Variants in PTPRG observed in about 807,000 individuals in gnomAD.
PTPRG encodes the protein protein tyrosine phosphatase receptor type G, also known as receptor-type tyrosine-protein phosphatase gamma.
Under a neutral mutation model 165.3 loss-of-function variants are expected in PTPRG, and 102 were observed. The ratio of observed to expected loss-of-function variants is 0.62; its 90% CI spans 0.53 to 0.73. PTPRG has a LOEUF of 0.73. Among genes scored for constraint, PTPRG ranks in the 30% least tolerant of loss-of-function variants. The pLI is 0.00. For synonymous variants in PTPRG, 675 were observed against 669.5 expected (o/e 1.01, Z -0.13); for missense variants, 1,866 against 1,861.4 (o/e 1.00, Z -0.05).
At chr3:61,665,831 A>C (rs1370237664) in intron 1 of PTPRG, among the ~76,000 whole-genome samples, 1 of 152,154 alleles carries the variant, frequency 6.6e-6, no homozygotes, top group Non-Finnish European at 1.5e-5. Flanking sequence ...CCATTTCTTA[A>C]AGGAAAAGAT....
intron 3 of PTPRG, among the ~76,000 whole-genome samples, chr3:62,000,867 G>A (rs1333563199): frequency 6.6e-6 from 1 of 152,178 alleles, no homozygotes; most frequent in Non-Finnish European, 1.5e-5. Context: ...TCCTGGCCCT[G>A]GATCATCTGC....
At position 62,011,763 on chromosome 3, in the gene PTPRG, C is replaced by A. The variant is rs139128631; in HGVS notation, c.519+8266C>A. Among the ~76,000 whole-genome samples, 722 of 152,244 alleles carry A rather than the reference C, an allele frequency of 4.7e-3. 6 individuals carry two copies. The highest frequency in any genetic ancestry group is 0.017 in the African/African-American group (697 of 41,538). ...TGCCTGGTTGTGCAAAGCAAGCGTG[C>A]AAGTTTTGTGAGGTAAAACAGCTTT... On this transcript the variant is annotated intron_variant, in intron 4 of 29. Transcript: ENST00000474889.
At position 61,661,184 on chromosome 3, in the gene PTPRG, C is replaced by T. The variant is rs191340320; in HGVS notation, c.86-87694C>T. Among the ~76,000 whole-genome samples, 410 of 152,060 alleles carry T rather than the reference C, an allele frequency of 2.7e-3. 10 individuals are homozygous for T. The highest frequency in any genetic ancestry group is 0.023 in the Admixed American group (351 of 15,266). ...AACTCCTGGGCTCAAGCAATCCTTT[C>T]GCCTCAGCCTCCCGAGTAGCTAGGA... On this transcript the variant is annotated intron_variant, in intron 1 of 29. Transcript: ENST00000474889.
chr3:61,879,061 T>G (rs949461012), intron 2 of PTPRG, among the ~76,000 whole-genome samples: 1 of 152,190 alleles, frequency 6.6e-6, no homozygotes, highest in African/African-American at 2.4e-5. Context: ...CAATATAAAT[T>G]TACTAGGAAC....
intron 5 of PTPRG, among the ~76,000 whole-genome samples, chr3:62,093,271 T>C (rs1185602861): frequency 2.6e-5 from 4 of 152,204 alleles, no homozygotes; most frequent in African/African-American, 9.6e-5. Flanking sequence ...ATTTAGGCCA[T>C]ACTCTGGGGA....
At chr3:61,575,525 A>G (rs72888660) in intron 1 of PTPRG, among the ~76,000 whole-genome samples, 3,594 of 151,916 alleles carry the variant, frequency 0.024, 139 homozygotes, top group African/African-American at 0.082. Flanking sequence ...GAGAATTTCA[A>G]CCTTCTTGAG....
intron 2 of PTPRG, among the ~76,000 whole-genome samples, chr3:61,879,795 C>G (rs189324438): frequency 6.6e-6 from 1 of 152,284 alleles, no homozygotes; most frequent in Admixed American, 6.5e-5. Flanking sequence ...TCTTGCTTTC[C>G]TAATGGATTT....
intron 1 of PTPRG, among the ~76,000 whole-genome samples, chr3:61,602,801 T>G (rs775998800): frequency 1.3e-5 from 2 of 152,166 alleles, no homozygotes; most frequent in African/African-American, 2.4e-5. Context: ...GAGAACTGAT[T>G]GTTACATTTT....
intron 26 of PTPRG, among the ~76,000 whole-genome samples, chr3:62,277,923 G>T (rs1702288368): frequency 6.6e-6 from 1 of 152,052 alleles, no homozygotes; most frequent in African/African-American, 2.4e-5. Flanking sequence ...GTCTGTGGCG[G>T]TGTGGTAGAA....
Position 61,562,351 on chromosome 3 carries a change from C to T in PTPRG, c.64C>T (p.His22Tyr), listed in dbSNP as rs924986196. The stretch of plus-strand genomic sequence containing the variant: ...CCTGAAAATCACCAGTTCCGTGCTC[C>T]ATTATGTCGTGTGCTTCCCCGGTGA... ...LFLKITSSVL[H>Y]YVVCFPALTE... The change falls in exon 1 of 30, where the codon CAT becomes TAT. Residue 22 changes from histidine (H) to tyrosine (Y), a missense_variant. This residue lies in a region of PTPRG where 408 missense variants were observed against 376.2 expected (regional missense o/e 1.08). Transcript: ENST00000474889. 1.9e-6 allele frequency: 3 copies of T among 1,613,672 alleles called. No individual in the cohort carries two copies. The highest frequency in any genetic ancestry group is 1.3e-5 in the African/African-American group (1 of 75,032).
intron 4 of PTPRG, among the ~76,000 whole-genome samples, chr3:62,023,315 A>C (rs1381492198): frequency 1.3e-5 from 2 of 152,212 alleles, no homozygotes; most frequent in African/African-American, 4.8e-5. Flanking sequence ...AGATAGAATT[A>C]ATCAAAAACA....
At chr3:62,066,255 G>T (rs958177078) in intron 4 of PTPRG, among the ~76,000 whole-genome samples, 1 of 152,196 alleles carries the variant, frequency 6.6e-6, no homozygotes, top group Non-Finnish European at 1.5e-5. Flanking sequence ...GGTAACTTTG[G>T]TTGAGAAAGT....
chr3:62,169,816 T>C (rs1256499231), intron 8 of PTPRG, among the ~76,000 whole-genome samples: 1 of 151,920 alleles, frequency 6.6e-6, no homozygotes, highest in East Asian at 1.9e-4. Context: ...CGTGGAGAGG[T>C]TTTCTTTCAA....
intron 1 of PTPRG, among the ~76,000 whole-genome samples, chr3:61,616,581 G>A (rs538486852): frequency 2.0e-5 from 3 of 152,124 alleles, no homozygotes; most frequent in South Asian, 2.1e-4. Context: ...CAACCTCCAC[G>A]CCAAGCCCTT....
At chr3:61,573,779 C>G (rs1486785144) in intron 1 of PTPRG, among the ~76,000 whole-genome samples, 1 of 152,092 alleles carries the variant, frequency 6.6e-6, no homozygotes, top group Non-Finnish European at 1.5e-5. Context: ...TATGTAGTTT[C>G]AAGATATCTC....
At chr3:62,246,919 T>C (rs1701300152) in intron 15 of PTPRG, among the ~76,000 whole-genome samples, 1 of 152,112 alleles carries the variant, frequency 6.6e-6, no homozygotes, top group East Asian at 1.9e-4. Context: ...ACAACAGACA[T>C]AACTAGTAAA....
At chr3:61,717,197 A>G (rs2031846271) in intron 1 of PTPRG, among the ~76,000 whole-genome samples, 1 of 152,164 alleles carries the variant, frequency 6.6e-6, no homozygotes. Context: ...TTGTGTGGTT[A>G]GTCTCTGAAT....
chr3:62,077,754 A>G (rs1701436375), intron 4 of PTPRG, among the ~76,000 whole-genome samples: 2 of 152,218 alleles, frequency 1.3e-5, no homozygotes, highest in Non-Finnish European at 2.9e-5. Context: ...CTGTAATCCC[A>G]GCACTTTGGG....
At chr3:61,870,915 A>G (rs938895722) in intron 2 of PTPRG, among the ~76,000 whole-genome samples, 2 of 152,182 alleles carry the variant, frequency 1.3e-5, no homozygotes, top group African/African-American at 2.4e-5. Context: ...ATCACTGCTT[A>G]GAAATCAGCA....
Sources: gnomAD v4.1 joint callset for allele counts (sites outside exome capture counted in the v4.1 genomes callset) on GRCh38, gnomAD v4.1.1 for gene constraint, gnomAD v4.1.1 regional missense constraint, MANE v1.5 for transcripts, NCBI Gene and HGNC (gene_info 2026-07-23, HGNC 2026-07-21) for gene names.